MTHFD1L: variants seen among roughly 807,000 people sequenced by gnomAD.
The protein encoded by MTHFD1L is monofunctional C1-tetrahydrofolate synthase, mitochondrial.
Under a neutral mutation model 119.5 loss-of-function variants are expected in MTHFD1L, and 81 were observed. The observed-to-expected ratio is 0.68, with a 90% confidence interval of 0.57 to 0.82. MTHFD1L has a LOEUF of 0.82. MTHFD1L is among the 40% of genes least tolerant of loss of function. The pLI is 0.00. For synonymous variants in MTHFD1L, 430 were observed against 475.2 expected (o/e 0.90, Z 1.24); for missense variants, 1,125 against 1,253.4 (o/e 0.90, Z 1.55).
intron 7 of MTHFD1L, among the ~76,000 whole-genome samples, chr6:150,903,203 ATTTTTTTTTTTTTTTT>A (rs774695918): frequency 4.7e-5 from 4 of 85,474 alleles, no homozygotes; most frequent in African/African-American, 1.5e-4. Flanking sequence ...TGGCTGCAAA[ATTTTTTTTTTTTTTTT>A]TTTTTTTTTT....
chr6:150,937,738 G>A (rs974249397), intron 12 of MTHFD1L, among the ~76,000 whole-genome samples: 4 of 152,152 alleles, frequency 2.6e-5, no homozygotes, highest in Non-Finnish European at 4.4e-5. Flanking sequence ...ACAACCTCTC[G>A]GAGCCGCATC....
intron 7 of MTHFD1L, among the ~76,000 whole-genome samples, chr6:150,899,424 GA>G (rs1349485304): frequency 6.6e-6 from 1 of 152,214 alleles, no homozygotes; most frequent in Non-Finnish European, 1.5e-5. Flanking sequence ...TCACTGGGTG[GA>G]CGTGAAGTGG....
intron 20 of MTHFD1L, among the ~76,000 whole-genome samples, chr6:150,975,785 G>A (rs1179949017): frequency 6.6e-6 from 1 of 152,148 alleles, no homozygotes; most frequent in Non-Finnish European, 1.5e-5. Context: ...ACCAGCAGAC[G>A]TCCTCACACT....
At chr6:150,993,132 A>T (rs564033887) in intron 20 of MTHFD1L, among the ~76,000 whole-genome samples, 1 of 152,128 alleles carries the variant, frequency 6.6e-6, no homozygotes. Flanking sequence ...ATGAAATTGC[A>T]TAGATGTTTT....
At chr6:151,085,462 AAAAGT>A (rs1793705913) in intron 26 of MTHFD1L, among the ~76,000 whole-genome samples, 1 of 152,166 alleles carries the variant, frequency 6.6e-6, no homozygotes, top group South Asian at 2.1e-4. Context: ...TTTTGAAGTG[AAAAGT>A]AAAGAAAGCA....
At chr6:151,028,082 G>A (rs1401600813) in intron 24 of MTHFD1L, among the ~76,000 whole-genome samples, 1 of 152,152 alleles carries the variant, frequency 6.6e-6, no homozygotes, top group African/African-American at 2.4e-5. Context: ...GGCAGTGCCT[G>A]CTGGGAAGCA....
intron 1 of MTHFD1L, among the ~76,000 whole-genome samples, chr6:150,875,108 T>C (rs1562294085): frequency 1.3e-5 from 2 of 151,162 alleles, no homozygotes; most frequent in East Asian, 3.9e-4. Context: ...CAGGCTGGAG[T>C]GCAGTGGTGC....
At chr6:150,980,554 G>A (rs1009011455) in intron 20 of MTHFD1L, among the ~76,000 whole-genome samples, 18 of 152,076 alleles carry the variant, frequency 1.2e-4, no homozygotes, top group Non-Finnish European at 1.5e-5. Flanking sequence ...ACATGTCGCT[G>A]TGTGTCCTTT....
At chr6:151,013,843 T>C in intron 22 of MTHFD1L, 23 bp downstream of exon 22, 3 of 1,599,732 alleles carry the variant, frequency 1.9e-6, no homozygotes, top group Non-Finnish European at 2.6e-6. Context: ...GTTTAGATGC[T>C]TATGTGAAGA....
chr6:151,057,778 A>G (rs1790157913), intron 26 of MTHFD1L, among the ~76,000 whole-genome samples: 1 of 151,794 alleles, frequency 6.6e-6, no homozygotes, highest in Non-Finnish European at 1.5e-5. Context: ...CGTATGCATG[A>G]CCTTTTGTTT....
At chr6:151,041,874 A>T (rs1318033364) in intron 26 of MTHFD1L, 1 of 524,098 alleles carries the variant, frequency 1.9e-6, no homozygotes, top group Non-Finnish European at 3.9e-6. Flanking sequence ...TGGCTTTGGA[A>T]GACCCCATGG....
intron 6 of MTHFD1L, among the ~76,000 whole-genome samples, chr6:150,886,351 G>A (rs938275311): frequency 2.7e-5 from 4 of 150,550 alleles, no homozygotes; most frequent in Non-Finnish European, 4.4e-5. Context: ...CGGGAAGATC[G>A]CTTGAGCCCA....
At chr6:150,922,349 C>G (rs1562384564) in intron 10 of MTHFD1L, 47 bp downstream of exon 10, 1 of 1,491,280 alleles carries the variant, frequency 6.7e-7, no homozygotes, top group Admixed American at 1.7e-5. Flanking sequence ...AGCACAGTGC[C>G]TTAGCCCTAG....
intron 9 of MTHFD1L, 78 bp from the exon 10 acceptor site, chr6:150,922,127 C>T (rs777221795): frequency 2.4e-5 from 25 of 1,029,488 alleles, no homozygotes; most frequent in Non-Finnish European, 1.5e-5. Context: ...CATCCACAAA[C>T]AATATTTCCA....
At chr6:150,948,724 T>C (rs542328519) in intron 15 of MTHFD1L, among the ~76,000 whole-genome samples, 2 of 151,552 alleles carry the variant, frequency 1.3e-5, no homozygotes, top group African/African-American at 4.8e-5. Context: ...CACCGCAACC[T>C]CCGCCTCCCA....
intron 11 of MTHFD1L, chr6:150,935,269 C>A (rs1380415762): frequency 6.2e-7 from 1 of 1,611,734 alleles, no homozygotes; most frequent in Non-Finnish European, 8.5e-7. Context: ...TTGTTGTGGA[C>A]TCTGTTGATG....
intron 18 of MTHFD1L, among the ~76,000 whole-genome samples, chr6:150,961,595 G>A (rs1738579): frequency 0.53 from 80,226 of 152,080 alleles, 21,361 homozygotes; most frequent in South Asian, 0.61. Flanking sequence ...TGAACAGAGA[G>A]AGGCAAAGTC....
chr6:150,975,410 G>A (rs61021306), intron 20 of MTHFD1L, among the ~76,000 whole-genome samples: 12,708 of 152,140 alleles, frequency 0.084, 1,769 homozygotes, highest in African/African-American at 0.29. Flanking sequence ...CCATTGCTTG[G>A]TCAAGCCTGC....
chr6:150,935,356 T>C (rs1791878014), intron 11 of MTHFD1L: 3 of 1,613,708 alleles, frequency 1.9e-6, no homozygotes, highest in African/African-American at 1.3e-5. Flanking sequence ...TCCCTGTACT[T>C]ATAGTTGCTA....
Sources: allele counts gnomAD v4.1 joint callset (sites outside exome capture counted in the v4.1 genomes callset), GRCh38; gene constraint gnomAD v4.1.1; transcripts MANE v1.5; gene names NCBI Gene and HGNC (gene_info 2026-07-23, HGNC 2026-07-21).